CTSB: variants seen among roughly 807,000 people sequenced by gnomAD.
CTSB encodes APP secretase.
A neutral mutation model predicts 44.3 loss-of-function variants in CTSB; 57 were observed. That is an observed-to-expected ratio of 1.29 (90% CI 1.04 to 1.60). CTSB has a LOEUF of 1.60. Ranked by LOEUF, CTSB falls within the 40% of genes most tolerant of loss-of-function variation. The probability of loss-of-function intolerance (pLI) is 0.00; values close to 1 mark genes in which losing one functional copy is unlikely to be tolerated. For synonymous variants in CTSB, 320 were observed against 168.0 expected, an observed-to-expected ratio of 1.91 and a Z score of -7.00; for missense variants, 768 against 443.0, an observed-to-expected ratio of 1.73 and a Z score of -6.59.
chr8:11,856,474 G>A (rs569274036), intron 1 of CTSB, among the ~76,000 whole-genome samples: 3 of 152,064 alleles, frequency 2.0e-5, no homozygotes, highest in East Asian at 3.9e-4. Context: ...TTAGCCAGGC[G>A]TGGTGGCGCA....
chr8:11,858,464 A>AT (rs1321939957), intron 1 of CTSB, among the ~76,000 whole-genome samples: 2 of 151,898 alleles, frequency 1.3e-5, no homozygotes, highest in African/African-American at 2.4e-5. Context: ...CCAGCTTTGT[A>AT]TTTTTTGTAG....
At position 11,860,144 on chromosome 8, in the gene CTSB, G is replaced by T. The variant is rs12334665; in HGVS notation, c.-25-6665C>A. ...CTCAGGTAGACTGCACTTTAAATCT[G>T]TAAAGGATTTAAGGAGACAGGATAT... On this transcript the variant is annotated intron_variant, in intron 1 of 9. Coordinates refer to ENST00000353047, the MANE Select transcript of CTSB (RefSeq NM_001908.5). Among the ~76,000 whole-genome samples the T allele has an allele frequency of 1.5e-3, 224 of 152,314 alleles. 1 individual carries two copies. Among genetic ancestry groups the T allele is most frequent in the African/African-American group, 5.3e-3 (220 of 41,578 alleles).
rs1384657460 is a variant in CTSB, at chr8:11,842,770, GGGATTAC to G, written c.*2348_*2354del. 6.6e-6 allele frequency: 1 copy of G among 151,630 alleles called. No homozygotes were observed. The highest frequency in any genetic ancestry group is 1.5e-5 in the Non-Finnish European group (1 of 68,002). 9.4% of individuals were successfully genotyped at this position (151,630 alleles called of 1,614,324 possible). A position where few individuals can be genotyped will look rare whatever the true frequency, so the allele number is the denominator to read the frequency against. ...TCGTACCTCAGCCTCCCGAGTAGCTGGGATTACAGGCATGTGCCAGCATGCTTGGCTA... is the reference window on the plus strand; with the variant it reads ...TCGTACCTCAGCCTCCCGAGTAGCTGAGGCATGTGCCAGCATGCTTGGCTA... On this transcript the variant is annotated 3_prime_UTR_variant, in exon 10 of 10. Transcript: ENST00000353047.
intron 8 of CTSB, chr8:11,846,024 T>C (rs1360823776): frequency 8.1e-6 from 3 of 368,612 alleles, no homozygotes; most frequent in Non-Finnish European, 1.4e-5. Context: ...TCCTACAAAA[T>C]GTGCTTGTTG....
intron 1 of CTSB, among the ~76,000 whole-genome samples, chr8:11,858,999 C>T (rs1815961211): frequency 6.6e-6 from 1 of 152,068 alleles, no homozygotes; most frequent in South Asian, 2.1e-4. Flanking sequence ...GCCACAAGAC[C>T]CCTTTCCAGG....
In CTSB at chr8:11,852,693, G is replaced by T. The variant is rs149724176; in HGVS notation, c.129C>A (p.Ala43=). 3.1e-6 allele frequency: 5 copies of T among 1,613,790 alleles called. No homozygotes were observed. The African/African-American group carries it at 4.0e-5, about 13-fold the overall frequency. Residue 43 remains alanine, a splice_region_variant and synonymous_variant, in exon 3 of 10, where the codon GCC becomes GCA. Transcript: ENST00000353047. ...YVNKRNTTWQ[A]GHNFYNVDMS... The stretch of plus-strand genomic sequence containing the variant: ...TGTCCACGTTGTAGAAGTTGTGCCC[G>T]GCCTGGAAGAGAGTCACCCACTGAC...
At chr8:11,847,568 G>C (rs971019307) in intron 7 of CTSB, 111 bp downstream of exon 7, 2 of 1,235,814 alleles carry the variant, frequency 1.6e-6, no homozygotes, top group Non-Finnish European at 2.2e-6. Context: ...CTATCCTAGA[G>C]TTCCGGGACC....
At chr8:11,863,646 T>C (rs1271144223) in intron 1 of CTSB, among the ~76,000 whole-genome samples, 2 of 152,196 alleles carry the variant, frequency 1.3e-5, no homozygotes, top group East Asian at 3.8e-4. Flanking sequence ...AGCGTTCTAA[T>C]AATGGAACAC....
At chr8:11,853,552 T>A in intron 1 of CTSB, 73 bp from the exon 2 acceptor site, 1 of 1,442,270 alleles carries the variant, frequency 6.9e-7, no homozygotes, top group Non-Finnish European at 9.3e-7. Context: ...AGGGGCACCG[T>A]CTCGGGCATC....
Position 11,845,751 on chromosome 8 carries a change from G to A in CTSB, c.832C>T (p.His278Tyr), listed in dbSNP as rs1225109229. ...QHVTGEMMGG[H>Y]AIRILGWGVE... ...CCCCAGCCCAGGATGCGGATGGCAT[G>A]GCCACCCATCATCTCTCCGGTGACG... The change falls in exon 9 of 10, where the codon CAT (histidine) becomes TAT (tyrosine). Residue 278 changes from histidine (H) to tyrosine (Y), a missense_variant. Transcript: ENST00000353047. The A allele has an allele frequency of 3.7e-6, 6 of 1,613,930 alleles. No individual in the cohort carries two copies. The highest frequency in any genetic ancestry group is 1.3e-5 in the African/African-American group (1 of 74,934).
intron 1 of CTSB, among the ~76,000 whole-genome samples, chr8:11,866,174 C>T (rs988186296): frequency 1.3e-5 from 2 of 152,206 alleles, no homozygotes; most frequent in Non-Finnish European, 2.9e-5. Flanking sequence ...ATGGGTGCAA[C>T]TTCTCTTCCA....
At chr8:11,866,609 T>TGACTCACCGGGAGGCCGAGACAGGC (rs1384156118) in intron 1 of CTSB, among the ~76,000 whole-genome samples, 41 of 152,214 alleles carry the variant, frequency 2.7e-4, no homozygotes, top group Non-Finnish European at 1.0e-4. Flanking sequence ...CCAGGCACCG[T>TGACTCACCGGGAGGCCGAGACAGGC]GACTCACCGG....
chr8:11,853,109 A>G (rs1321278379), intron 2 of CTSB, among the ~76,000 whole-genome samples: 1 of 152,062 alleles, frequency 6.6e-6, no homozygotes, highest in South Asian at 2.1e-4. Context: ...ACAACCATAT[A>G]TTCATACACA....
rs1812453827 is a variant in CTSB at position 11,842,644 on chromosome 8, T to C, written c.*2481A>G. 6.6e-6 allele frequency: 1 copy of C among 152,080 alleles called. No individual in the cohort carries two copies. Among genetic ancestry groups the C allele is most frequent in the African/African-American group, 2.4e-5 (1 of 41,398 alleles). The allele number at this position is 152,080 out of a possible 1,614,324, so 9.4% of individuals were successfully genotyped here. On this transcript the variant is annotated 3_prime_UTR_variant, in exon 10 of 10. Transcript: ENST00000353047. ...TGTTAAGCATCTTTCTTTTTCTTTT[T>C]TTTTTTGGTGAGACACAGATTCACT...
At chr8:11,860,210 T>C in intron 1 of CTSB, among the ~76,000 whole-genome samples, 1 of 152,238 alleles carries the variant, frequency 6.6e-6, no homozygotes, top group East Asian at 1.9e-4. Flanking sequence ...TGCTAGCTCC[T>C]GGCTGATAGA....
rs368546296 is a variant in CTSB, at chr8:11,859,813, G to A, written c.-25-6334C>T. Among the ~76,000 whole-genome samples, 14 of 130,142 alleles carry A rather than the reference G, an allele frequency of 1.1e-4. No individual in the cohort carries two copies. In the South Asian group the frequency reaches 2.9e-3, roughly 27 times the overall value. 85.4% of individuals were successfully genotyped at this position (130,142 alleles called of 152,430 possible). The stretch of plus-strand genomic sequence containing the variant: ...AAAAAGGCCGGACACAATGGCTCAC[G>A]CATGTAATCCCAGCACTTTGGGAGG... On this transcript the variant is annotated intron_variant, in intron 1 of 9. Transcript: ENST00000353047.
chr8:11,860,648 AAAAAC>A (rs1428143667), intron 1 of CTSB, among the ~76,000 whole-genome samples: 8 of 152,264 alleles, frequency 5.3e-5, no homozygotes, highest in African/African-American at 1.7e-4. Flanking sequence ...AAAACAAAAC[AAAAAC>A]AAAAGTCAAG....
chr8:11,863,609 G>C (rs764969159), intron 1 of CTSB, among the ~76,000 whole-genome samples: 2 of 152,220 alleles, frequency 1.3e-5, no homozygotes, highest in African/African-American at 2.4e-5. Context: ...ACCTTGAGCA[G>C]TATGATGTAA....
intron 8 of CTSB, among the ~76,000 whole-genome samples, 186 bp from the exon 9 acceptor site, chr8:11,845,975 C>T (rs1185887121): frequency 2.6e-5 from 4 of 152,160 alleles, no homozygotes; most frequent in Admixed American, 2.6e-4. Flanking sequence ...TTTGAAGGCC[C>T]AACACACTCA....
Sources: gnomAD v4.1 joint callset for allele counts (sites outside exome capture counted in the v4.1 genomes callset) on GRCh38, gnomAD v4.1.1 for gene constraint, MANE v1.5 for transcripts, NCBI Gene and HGNC (gene_info 2026-07-23, HGNC 2026-07-21) for gene names.